The following SLC5A4 variants were observed in gnomAD, a reference collection of about 807,000 sequenced individuals.
The protein encoded by SLC5A4 is solute carrier family 5 member 4.
Under a neutral mutation model 70.3 loss-of-function variants are expected in SLC5A4, and 55 were observed. The observed-to-expected ratio is 0.78, with a 90% CI of 0.63 to 0.98. The LOEUF (loss-of-function observed/expected upper bound fraction) is 0.98. Among genes scored for constraint, SLC5A4 ranks in the 50% least tolerant of loss-of-function variants. SLC5A4 has a pLI of 0.00. For missense variants in SLC5A4, 735 were observed against 839.2 expected (o/e 0.88, Z 1.53); for synonymous variants, 268 against 305.7 (o/e 0.88, Z 1.29).
At chr22:32,311,908 CT>C in the SLC5A4 span, among the ~76,000 whole-genome samples, 5 of 152,262 alleles carry the variant, frequency 3.3e-5, no homozygotes, top group Non-Finnish European at 7.4e-5. Flanking sequence ...GGAGCCTGGA[CT>C]TTGGGTTCCT....
chr22:32,315,758 A>G, the SLC5A4 span, among the ~76,000 whole-genome samples: 7 of 148,882 alleles, frequency 4.7e-5, no homozygotes, highest in East Asian at 2.0e-4. Context: ...TGCATCTGCC[A>G]TATCTGTAAA....
chr22:32,251,830 A>G lies in SLC5A4; in HGVS notation c.252T>C (p.Tyr84=). The G allele has an allele frequency of 6.2e-7, 1 of 1,614,058 alleles. No homozygotes were observed. The highest frequency in any genetic ancestry group is 8.5e-7 in the Non-Finnish European group (1 of 1,179,920). The change falls in exon 3 of 15, where the codon TAT becomes TAC. Residue 84 remains tyrosine, a synonymous_variant. Coordinates refer to ENST00000266086, the MANE Select transcript of SLC5A4 (RefSeq NM_014227.3). ...CTGCTCCTGTCCCAGCCAGCCCCAC[A>G]TAGTGGTTGCTGCCGATGTTACTGG... ...LFASNIGSNH[Y]VGLAGTGAAS...
At chr22:32,249,073 A>G (rs1018876820) in intron 3 of SLC5A4, among the ~76,000 whole-genome samples, 1 of 152,196 alleles carries the variant, frequency 6.6e-6, no homozygotes. Flanking sequence ...AGGTCATACA[A>G]TCTTTGCCAA....
At chr22:32,326,636 T>C in the SLC5A4 span, among the ~76,000 whole-genome samples, 1 of 152,138 alleles carries the variant, frequency 6.6e-6, no homozygotes, top group Non-Finnish European at 1.5e-5. Context: ...AATGTGTCCC[T>C]GCAAACAGTA....
chr22:32,269,995 T>C, the SLC5A4 span: 1 of 503,510 alleles, frequency 2.0e-6, no homozygotes. The surrounding 1 kb of genome is among the most constrained non-coding windows in gnomAD (Gnocchi z 4.1). Flanking sequence ...CCTCCTCAAG[T>C]ACACCGAGAA....
chr22:32,345,419 G>A, the SLC5A4 span, among the ~76,000 whole-genome samples: 3 of 152,130 alleles, frequency 2.0e-5, no homozygotes, highest in African/African-American at 7.2e-5. Flanking sequence ...AAAACATCAT[G>A]CATTCCTTTC....
chr22:32,339,428 T>C, the SLC5A4 span, among the ~76,000 whole-genome samples: 1 of 152,138 alleles, frequency 6.6e-6, no homozygotes, highest in Non-Finnish European at 1.5e-5. Context: ...CACTGGCCCG[T>C]AGACAGGATC....
the SLC5A4 span, among the ~76,000 whole-genome samples, chr22:32,312,161 G>T: frequency 6.6e-6 from 1 of 152,074 alleles, no homozygotes; most frequent in East Asian, 1.9e-4. Context: ...AACCAACCCT[G>T]ACTGGCATTT....
the SLC5A4 span, among the ~76,000 whole-genome samples, chr22:32,307,208 A>C: frequency 1.3e-5 from 2 of 152,170 alleles, no homozygotes; most frequent in Admixed American, 6.5e-5. Context: ...TCAGTCTGTT[A>C]AGGGCAAATC....
the SLC5A4 span, among the ~76,000 whole-genome samples, chr22:32,334,118 T>C: frequency 7.1e-6 from 1 of 141,578 alleles, no homozygotes; most frequent in Non-Finnish European, 1.5e-5. Flanking sequence ...ACCCACACAA[T>C]ATACATATAC....
At chr22:32,253,260 A>G (rs898925661) in intron 2 of SLC5A4, among the ~76,000 whole-genome samples, 1 of 152,184 alleles carries the variant, frequency 6.6e-6, no homozygotes, top group African/African-American at 2.4e-5. Context: ...AGAGGGGAAG[A>G]TACAGCCTCT....
chr22:32,320,957 C>T, the SLC5A4 span, among the ~76,000 whole-genome samples: 1 of 152,212 alleles, frequency 6.6e-6, no homozygotes, highest in African/African-American at 2.4e-5. Context: ...CCGTCACCTT[C>T]CTAGGGAACT....
intron 5 of SLC5A4, among the ~76,000 whole-genome samples, chr22:32,240,003 A>G (rs1417359754): frequency 7.3e-6 from 1 of 137,172 alleles, no homozygotes; most frequent in East Asian, 2.1e-4. Flanking sequence ...CAGCTGGGTG[A>G]CAGAGCGAGA....
the SLC5A4 span, among the ~76,000 whole-genome samples, chr22:32,325,294 C>A: frequency 6.6e-6 from 1 of 152,254 alleles, no homozygotes; most frequent in African/African-American, 2.4e-5. Context: ...ACACCAGGAC[C>A]CCAAAACAAG....
At chr22:32,348,147 G>A in the SLC5A4 span, among the ~76,000 whole-genome samples, 1 of 152,192 alleles carries the variant, frequency 6.6e-6, no homozygotes, top group Non-Finnish European at 1.5e-5. Flanking sequence ...TGAGCTCCTG[G>A]AGGACAGGGA....
At chr22:32,329,018 G>A in the SLC5A4 span, among the ~76,000 whole-genome samples, 1 of 152,248 alleles carries the variant, frequency 6.6e-6, no homozygotes. Context: ...ACTGGTGCCA[G>A]CATGGCTCTG....
the SLC5A4 span, among the ~76,000 whole-genome samples, chr22:32,292,129 GATATTAT>G: frequency 1.5e-3 from 103 of 70,268 alleles, 9 homozygotes; most frequent in African/African-American, 6.4e-3. Flanking sequence ...ACATATACTA[GATATTAT>G]ATATTATATT....
the SLC5A4 span, among the ~76,000 whole-genome samples, chr22:32,326,556 C>T: frequency 6.6e-6 from 1 of 152,002 alleles, no homozygotes; most frequent in African/African-American, 2.4e-5. Flanking sequence ...TGCCCGGCCA[C>T]CTTCATAAAT....
the SLC5A4 span, chr22:32,271,305 G>A: frequency 4.0e-6 from 3 of 743,434 alleles, no homozygotes; most frequent in Non-Finnish European, 4.8e-6. Context: ...CCCGCAGGGA[G>A]GAGGCCATGT....
Sources: gnomAD v4.1 joint callset for allele counts (sites outside exome capture counted in the v4.1 genomes callset) on GRCh38, gnomAD v4.1.1 for gene constraint, Gnocchi (gnomAD v3.1) non-coding constraint, MANE v1.5 for transcripts, NCBI Gene and HGNC (gene_info 2026-07-23, HGNC 2026-07-21) for gene names.